The following INPP5B variants were observed in gnomAD, a reference collection of about 807,000 sequenced individuals.
INPP5B encodes the protein type II inositol 1,4,5-trisphosphate 5-phosphatase.
A neutral mutation model predicts 118.5 loss-of-function variants in INPP5B; 90 were observed. The ratio of observed to expected loss-of-function variants is 0.76; its 90% CI spans 0.64 to 0.90. INPP5B has a LOEUF of 0.90. Among genes scored for constraint, INPP5B ranks in the 40% least tolerant of loss-of-function variants. The pLI is 0.00. For synonymous variants in INPP5B, 385 were observed against 418.9 expected (o/e 0.92, Z 0.99); for missense variants, 984 against 1,125.6 (o/e 0.87, Z 1.80).
intron 7 of INPP5B, among the ~76,000 whole-genome samples, chr1:37,896,777 T>C (rs1570166969): frequency 8.8e-6 from 1 of 113,678 alleles, no homozygotes; most frequent in Admixed American, 9.6e-5. Context: ...GGGAGGGAGG[T>C]GGGGGGGTCA....
chr1:37,920,282 T>TCC (rs1005305555), intron 7 of INPP5B, among the ~76,000 whole-genome samples: 2 of 152,136 alleles, frequency 1.3e-5, no homozygotes, highest in Non-Finnish European at 2.9e-5. Context: ...AGCACAAAGA[T>TCC]AGGGCATTAT....
intron 7 of INPP5B, among the ~76,000 whole-genome samples, chr1:37,925,196 A>C (rs1645184579): frequency 6.6e-6 from 1 of 151,900 alleles, no homozygotes. Context: ...TAAAATAAAA[A>C]TAAAAATAAA....
intron 7 of INPP5B, chr1:37,931,480 C>A (rs746680494): frequency 6.5e-7 from 1 of 1,533,624 alleles, no homozygotes; most frequent in South Asian, 1.2e-5. Context: ...ACCCGCCTAC[C>A]CTCGTCACGC....
chr1:37,886,776 G>A (rs1643564161), intron 12 of INPP5B, 112 bp downstream of exon 12: 2 of 765,246 alleles, frequency 2.6e-6, no homozygotes, highest in Admixed American at 2.1e-5. Flanking sequence ...ATTCATCTTG[G>A]AATATTGGCA....
At chr1:37,865,193 A>G (rs1203304247) in intron 22 of INPP5B, among the ~76,000 whole-genome samples, 1 of 152,182 alleles carries the variant, frequency 6.6e-6, no homozygotes, top group African/African-American at 2.4e-5. Flanking sequence ...AAAAAAAAAA[A>G]AAGTGTGATT....
At chr1:37,873,884 A>C (rs1030378723) in intron 18 of INPP5B, 109 bp downstream of exon 18, 4 of 777,942 alleles carry the variant, frequency 5.1e-6, no homozygotes, top group Non-Finnish European at 7.4e-6. Flanking sequence ...AAAAGCCTCA[A>C]GCAGAGAATA....
chr1:37,864,719 G>C, intron 22 of INPP5B: 1 of 215,644 alleles, frequency 4.6e-6, no homozygotes, highest in East Asian at 9.8e-5. Context: ...ACTGGGGTGA[G>C]AGCAAAGAAA....
chr1:37,889,399 G>A (rs528305789), intron 9 of INPP5B, among the ~76,000 whole-genome samples, 158 bp downstream of exon 9: 1 of 152,302 alleles, frequency 6.6e-6, no homozygotes, highest in African/African-American at 2.4e-5. Context: ...ATAAATGCCT[G>A]TTAATAAAGA....
intron 7 of INPP5B, among the ~76,000 whole-genome samples, chr1:37,891,869 T>G (rs1360221815): frequency 2.0e-5 from 3 of 152,218 alleles, no homozygotes; most frequent in Non-Finnish European, 4.4e-5. Context: ...CTAGGAATTA[T>G]TGGTAGTCCA....
intron 19 of INPP5B, among the ~76,000 whole-genome samples, chr1:37,871,550 G>A (rs923770411): frequency 3.3e-5 from 5 of 151,472 alleles, no homozygotes; most frequent in Admixed American, 6.6e-5. Context: ...GGCAGATCAC[G>A]TGAGGTCAGG....
At chr1:37,940,630 TG>T in intron 6 of INPP5B, 57 bp downstream of exon 6, 2 of 942,022 alleles carry the variant, frequency 2.1e-6, no homozygotes, top group Non-Finnish European at 3.5e-6. Flanking sequence ...TCAACTGGGG[TG>T]GGTAGGTGAA....
rs552901311 is a variant in INPP5B, at chr1:37,897,541, T to C, written c.533-6087A>G. ...AAACAGATGCTTGAAGGCAGCATGC[T>C]CCTTAAGAGTCATCACCACTCCCTA... On this transcript the variant is annotated intron_variant, in intron 7 of 23. Coordinates refer to ENST00000373024, the MANE Select transcript of INPP5B (RefSeq NM_005540.3). Among the ~76,000 whole-genome samples, 24 of 150,398 alleles carry C rather than the reference T, an allele frequency of 1.6e-4. No homozygotes were observed. In the East Asian group the frequency reaches 3.3e-3, roughly 21 times the overall value.
intron 16 of INPP5B, among the ~76,000 whole-genome samples, chr1:37,876,070 T>C (rs1408833491): frequency 1.3e-5 from 2 of 151,800 alleles, no homozygotes; most frequent in Non-Finnish European, 2.9e-5. Context: ...GAGAACTTTT[T>C]CTAAGGCTTT....
At chr1:37,895,466 A>G (rs1341422820) in intron 7 of INPP5B, among the ~76,000 whole-genome samples, 26 of 151,990 alleles carry the variant, frequency 1.7e-4, no homozygotes, top group Non-Finnish European at 1.3e-4. Context: ...TCTCTTAAAA[A>G]ATAATAAAAT....
chr1:37,927,728 G>C (rs969859484), intron 7 of INPP5B, among the ~76,000 whole-genome samples: 2 of 151,574 alleles, frequency 1.3e-5, no homozygotes, highest in African/African-American at 2.4e-5. Context: ...TAGTAGAGAC[G>C]GGGTTTCACC....
chr1:37,885,616 T>A, intron 13 of INPP5B, 22 bp downstream of exon 13: 1 of 1,610,330 alleles, frequency 6.2e-7, no homozygotes, highest in Non-Finnish European at 8.5e-7. Flanking sequence ...GTGAACCGCA[T>A]GGGGTGGAAG....
At chr1:37,879,625 G>A (rs1481398136) in intron 15 of INPP5B, among the ~76,000 whole-genome samples, 1 of 151,898 alleles carries the variant, frequency 6.6e-6, no homozygotes, top group Non-Finnish European at 1.5e-5. Context: ...GGGCCTGGTG[G>A]CACATGCCTG....
chr1:37,873,145 A>C lies in INPP5B; in HGVS notation c.1972T>G (p.Leu658Val). ...GTCATCTTATTTACGAAGAGCTCCA[A>C]GTCAATCTCAACATCAGAATCTGCA... ...LLPDSDVEIDLELFVNKMTAT... is the reference protein window; with the variant it reads ...LLPDSDVEIDVELFVNKMTAT... The change falls in exon 19 of 24, where the codon TTG becomes GTG. Residue 658 changes from leucine (L) to valine (V), a missense_variant. By Grantham distance (32) the Leu-to-Val change is conservative. Coordinates refer to ENST00000373024, the MANE Select transcript of INPP5B (RefSeq NM_005540.3). 6.2e-7 allele frequency: 1 copy of C among 1,613,504 alleles called. No homozygotes were observed. Among genetic ancestry groups the C allele is most frequent in the Non-Finnish European group, 8.5e-7 (1 of 1,179,404 alleles).
chr1:37,891,332 G>C (rs777992775), intron 8 of INPP5B, 26 bp downstream of exon 8: 1 of 1,552,968 alleles, frequency 6.4e-7, no homozygotes, highest in Non-Finnish European at 8.9e-7. Context: ...TCCTACAAGG[G>C]ACAAGTGAAG....
Sources: allele counts gnomAD v4.1 joint callset (sites outside exome capture counted in the v4.1 genomes callset), GRCh38; gene constraint gnomAD v4.1.1; transcripts MANE v1.5; gene names NCBI Gene and HGNC (gene_info 2026-07-23, HGNC 2026-07-21).